SP100: variants seen among roughly 807,000 people sequenced by gnomAD.
SP100 encodes the protein nuclear autoantigen Sp-100.
Under a neutral mutation model 130.0 loss-of-function variants are expected in SP100, and 84 were observed. That is an observed-to-expected ratio of 0.65 (90% CI 0.54 to 0.77). The LOEUF is 0.77. Ranked by LOEUF, SP100 falls within the 30% of genes least tolerant of loss-of-function variation. SP100 has a pLI of 0.00. For synonymous variants in SP100, 331 were observed against 351.7 expected, an observed-to-expected ratio of 0.94 and a Z score of 0.66; for missense variants, 978 against 1,052.2, an observed-to-expected ratio of 0.93 and a Z score of 0.97.
intron 24 of SP100, among the ~76,000 whole-genome samples, chr2:230,532,266 TTTTTA>T (rs1471463815): frequency 2.0e-5 from 3 of 152,098 alleles, no homozygotes; most frequent in East Asian, 1.9e-4. Context: ...TAATAGCACT[TTTTTA>T]TTTTGTTATT....
In SP100 at chr2:230,528,587, C is replaced by G. The variant is rs979914293; in HGVS notation, c.2095-10680C>G. On this transcript the variant is annotated intron_variant, in intron 24 of 28. Coordinates refer to ENST00000340126, the MANE Select transcript of SP100 (RefSeq NM_001080391.2). ...AGAAACAACTAAGATCAGAGCAGAA[C>G]TGAAGGAGATAGAGACACAAAAAAC... is the stretch of plus-strand genomic sequence containing the variant. Among the ~76,000 whole-genome samples, 3 of 152,020 alleles carry G rather than the reference C, an allele frequency of 2.0e-5. No homozygotes were observed. The South Asian group carries it at 6.2e-4, about 31-fold the overall frequency.
intron 19 of SP100, 86 bp from the exon 20 acceptor site, chr2:230,502,980 G>T (rs936719694): frequency 6.6e-6 from 7 of 1,058,328 alleles, no homozygotes; most frequent in Non-Finnish European, 9.9e-6. Context: ...ACAGGATCCT[G>T]AAAAGTTGCA....
intron 11 of SP100, among the ~76,000 whole-genome samples, chr2:230,464,689 G>A (rs1248146835): frequency 1.3e-5 from 2 of 152,190 alleles, no homozygotes; most frequent in South Asian, 4.1e-4. Context: ...TTTTCACAGG[G>A]CTTTTGAAAA....
chr2:230,496,107 G>A (rs1575742357), intron 18 of SP100, among the ~76,000 whole-genome samples: 3 of 152,204 alleles, frequency 2.0e-5, no homozygotes, highest in South Asian at 2.1e-4. Flanking sequence ...GGTCTAAGAT[G>A]TTTTTTCCGT....
intron 8 of SP100, among the ~76,000 whole-genome samples, chr2:230,455,018 A>G (rs1216447698): frequency 6.6e-6 from 1 of 152,106 alleles, no homozygotes; most frequent in Non-Finnish European, 1.5e-5. Context: ...TGACTCCTTC[A>G]TCATTACATA....
chr2:230,424,179 C>G (rs1249547269), intron 2 of SP100, among the ~76,000 whole-genome samples: 1 of 152,148 alleles, frequency 6.6e-6, no homozygotes, highest in Non-Finnish European at 1.5e-5. Flanking sequence ...GATACAGGTT[C>G]TTGTCCTTGC....
chr2:230,522,476 C>CCTTTTT (rs1691217622), intron 24 of SP100, among the ~76,000 whole-genome samples: 1 of 82,138 alleles, frequency 1.2e-5, no homozygotes, highest in Non-Finnish European at 2.1e-5. Flanking sequence ...CCCCAGTGTT[C>CCTTTTT]TTTTTTTTTT....
At position 230,543,129 on chromosome 2, in the gene SP100, T is replaced by C; in HGVS notation, c.*183T>C. 2.2e-6 allele frequency: 1 copy of C among 448,734 alleles called. No homozygotes were observed. The highest frequency in any genetic ancestry group is 4.6e-5 in the Admixed American group (1 of 21,896). 27.8% of individuals were successfully genotyped at this position (448,734 alleles called of 1,614,324 possible). A position where few individuals can be genotyped will look rare whatever the true frequency, so the allele number is the denominator to read the frequency against. On this transcript the variant is annotated 3_prime_UTR_variant, in exon 29 of 29. Coordinates refer to ENST00000340126, the MANE Select transcript of SP100 (RefSeq NM_001080391.2). ...TTCAACACCCCTTCATGTTAAAAAT[T>C]CTCAATAAGCTAGGTATTGAGGAAC...
At chr2:230,533,350 G>A (rs755977018) in intron 24 of SP100, among the ~76,000 whole-genome samples, 4 of 152,126 alleles carry the variant, frequency 2.6e-5, no homozygotes, top group Non-Finnish European at 4.4e-5. Context: ...AGATATATGC[G>A]AGGAGTAACC....
chr2:230,461,489 A>G, intron 9 of SP100, 75 bp downstream of exon 9: 1 of 1,474,736 alleles, frequency 6.8e-7, no homozygotes, highest in Non-Finnish European at 9.4e-7. Flanking sequence ...TTCATCACGG[A>G]CCATCGGGGC....
chr2:230,464,098 T>C lies in SP100; in HGVS notation c.1089T>C (p.Asn363=), dbSNP rs140194556. ...ATAATGACAACCCTTTAGAATCAAA[T>C]GATGAAAAGGAGGGCCAAGAAGCCA... The part of the protein sequence containing the change: ...VINNDNPLES[N]DEKEGQEATC... The change falls in exon 11 of 29, where the codon AAT becomes AAC. Residue 363 remains asparagine, a synonymous_variant. Transcript: ENST00000340126. 2.7e-3 allele frequency: 4,421 copies of C among 1,613,142 alleles called. 7 individuals carry two copies. The highest frequency in any genetic ancestry group is 3.7e-3 in the Admixed American group (221 of 60,000).
intron 17 of SP100, among the ~76,000 whole-genome samples, chr2:230,493,624 G>A (rs1490076359): frequency 6.6e-6 from 1 of 151,254 alleles, no homozygotes; most frequent in Non-Finnish European, 1.5e-5. Context: ...CCCTTTATTT[G>A]CCTTCTAAAT....
chr2:230,529,979 A>G (rs1691620201), intron 24 of SP100, among the ~76,000 whole-genome samples: 1 of 152,218 alleles, frequency 6.6e-6, no homozygotes. Flanking sequence ...AGGAAGAATC[A>G]ATATCATGAA....
intron 2 of SP100, among the ~76,000 whole-genome samples, chr2:230,439,362 C>T (rs187469278): frequency 1.5e-3 from 234 of 152,150 alleles, no homozygotes; most frequent in African/African-American, 5.4e-3. Flanking sequence ...ATGGGAATTG[C>T]ATTGAATCTG....
At position 230,464,056 on chromosome 2, in the gene SP100, C is replaced by A. The variant is rs373376256; in HGVS notation, c.1058-11C>A. On this transcript the variant is annotated splice_polypyrimidine_tract_variant and intron_variant, in intron 10 of 28. Transcript: ENST00000340126. ...ACTGAGACCTCTAAAGAATCCCATT[C>A]TTTTGTGCAGTGATCAATAATGACA... 5.0e-6 allele frequency: 8 copies of A among 1,591,192 alleles called. No homozygotes were observed. Among genetic ancestry groups the A allele is most frequent in the Non-Finnish European group, 6.9e-6 (8 of 1,159,534 alleles).
chr2:230,441,938 G>T (rs1403123621), intron 2 of SP100, among the ~76,000 whole-genome samples: 1 of 152,090 alleles, frequency 6.6e-6, no homozygotes, highest in African/African-American at 2.4e-5. Context: ...TCACCTTCAA[G>T]ATTTTACTTG....
At position 230,446,918 on chromosome 2, in the gene SP100, TA is replaced by T. The variant is rs770390379; in HGVS notation, c.523+20del. On this transcript the variant is annotated intron_variant, in intron 5 of 28. Coordinates refer to ENST00000340126, the MANE Select transcript of SP100 (RefSeq NM_001080391.2). The stretch of plus-strand genomic sequence containing the variant: ...CTTGAACAAGGTAAAAATGACAGAA[TA>T]AAAGCTTTTTTCTAAGAGAGGTTAG... 5.9e-6 allele frequency: 9 copies of T among 1,520,228 alleles called. No homozygotes were observed. The highest frequency in any genetic ancestry group is 8.2e-6 in the Non-Finnish European group (9 of 1,100,720). 94.2% of individuals were successfully genotyped at this position (1,520,228 alleles called of 1,614,324 possible).
intron 23 of SP100, chr2:230,508,311 CT>C (rs10636838): frequency 1.0e-2 from 1,475 of 147,990 alleles, no homozygotes; most frequent in East Asian, 0.028. Context: ...AAATGCCATA[CT>C]TTTTTTTTTT....
intron 24 of SP100, among the ~76,000 whole-genome samples, chr2:230,529,808 A>G (rs1408409748): frequency 6.6e-6 from 1 of 152,226 alleles, no homozygotes; most frequent in Non-Finnish European, 1.5e-5. Flanking sequence ...GAGCCAAATC[A>G]TGAGTGAACT....
Sources: allele counts gnomAD v4.1 joint callset (sites outside exome capture counted in the v4.1 genomes callset), GRCh38; gene constraint gnomAD v4.1.1; transcripts MANE v1.5; gene names NCBI Gene and HGNC (gene_info 2026-07-23, HGNC 2026-07-21).